TCF3: variants seen among roughly 807,000 people sequenced by gnomAD.
TCF3 encodes transcription factor E2-alpha.
TCF3 carries 54 observed loss-of-function variants against 72.3 expected under a neutral mutation model. The ratio of observed to expected loss-of-function variants is 0.75; its 90% confidence interval spans 0.60 to 0.94. The LOEUF (loss-of-function observed/expected upper bound fraction) is 0.94. Among genes scored for constraint, TCF3 ranks in the 40% least tolerant of loss-of-function variants. The probability of loss-of-function intolerance (pLI) is 0.00; values close to 1 mark genes in which losing one functional copy is unlikely to be tolerated. For synonymous variants in TCF3, 525 were observed against 412.6 expected (o/e 1.27, Z -3.30); for missense variants, 1,078 against 934.4 (o/e 1.15, Z -2.00).
intron 11 of TCF3, 71 bp from the exon 12 acceptor site, chr19:1,621,262 G>T: frequency 6.7e-7 from 1 of 1,490,206 alleles, no homozygotes; most frequent in Non-Finnish European, 9.0e-7. Context: ...GCTCTCCTGC[G>T]TTCTGCCGTC....
At chr19:1,625,836 C>T in intron 6 of TCF3, 128 bp from the exon 7 acceptor site, 1 of 1,198,410 alleles carries the variant, frequency 8.3e-7, no homozygotes, top group South Asian at 2.0e-5. Context: ...CCCCTTCTGC[C>T]TGTCACGGTG....
At chr19:1,643,729 G>A (rs1347283456) in intron 3 of TCF3, among the ~76,000 whole-genome samples, 2 of 152,232 alleles carry the variant, frequency 1.3e-5, no homozygotes, top group African/African-American at 2.4e-5. Context: ...AAATATCGAA[G>A]AACAGGCAGA....
intron 2 of TCF3, among the ~76,000 whole-genome samples, chr19:1,648,577 A>C (rs2066491137): frequency 6.6e-6 from 1 of 152,190 alleles, no homozygotes; most frequent in South Asian, 2.1e-4. Context: ...ACCTCGGGTT[A>C]CTCAGCCAGG....
Position 1,621,890 on chromosome 19 carries a change from G to C in TCF3, c.903C>G (p.Tyr301Ter), listed in dbSNP as rs754176050. 1 of 1,596,570 alleles carries C rather than the reference G, an allele frequency of 6.3e-7. No homozygotes were observed. Among genetic ancestry groups the C allele is most frequent in the East Asian group, 2.3e-5 (1 of 44,162 alleles). Residue 301 changes from tyrosine to a stop codon, truncating the protein, a stop_gained, in exon 11 of 19, where the codon TAC becomes TAG. Transcript: ENST00000262965. LOFTEE classifies it high-confidence loss of function. ...GCGGCGTGTGGCTGGAGACGCCGCC[G>C]TACGTGGCTCCGGGGGCTGAGGAGA... ...SSFSSAPGAT[Y>*]GGVSSHTPPV...
chr19:1,644,937 G>T (rs2065861333), intron 3 of TCF3, among the ~76,000 whole-genome samples: 1 of 152,156 alleles, frequency 6.6e-6, no homozygotes, highest in Non-Finnish European at 1.5e-5. Context: ...ACACAGGGAA[G>T]CATTAGCATG....
At chr19:1,613,578 C>T (rs914307053) in intron 18 of TCF3, among the ~76,000 whole-genome samples, 2 of 152,170 alleles carry the variant, frequency 1.3e-5, no homozygotes, top group Non-Finnish European at 2.9e-5. Context: ...CCTGGCCAGA[C>T]TCACTGTGGA....
At chr19:1,635,936 A>G (rs1599884347) in intron 3 of TCF3, among the ~76,000 whole-genome samples, 1 of 151,576 alleles carries the variant, frequency 6.6e-6, no homozygotes, top group Non-Finnish European at 1.5e-5. Context: ...GGTCACTATG[A>G]CCCCCCAAGC....
Position 1,615,874 on chromosome 19 carries a change from A to AT in TCF3, c.1451-54dup. 6.7e-7 allele frequency: 1 copy of AT among 1,495,308 alleles called. No homozygotes were observed. Among genetic ancestry groups the AT allele is most frequent in the Non-Finnish European group, 8.9e-7 (1 of 1,124,300 alleles). 92.6% of individuals were successfully genotyped at this position (1,495,308 alleles called of 1,614,324 possible). A position where few individuals can be genotyped will look rare whatever the true frequency, so the allele number is the denominator to read the frequency against. On this transcript the variant is annotated intron_variant, in intron 16 of 18. Transcript: ENST00000262965. This position sits in a 1 kb window ranked among gnomAD's most constrained non-coding sequence, Gnocchi z 7.3. ...GCGTCGGCCTCCAGGGCCAACTGAC[A>AT]TATCTCTTTGTGCTCCTGTGGTGAG...
chr19:1,642,222 G>A (rs7256447), intron 3 of TCF3, among the ~76,000 whole-genome samples: 7,433 of 149,046 alleles, frequency 0.05, 555 homozygotes, highest in East Asian at 0.4. Flanking sequence ...ACGCGCAGAC[G>A]CACAGACACG....
At chr19:1,622,031 C>CT (rs769232900) in intron 10 of TCF3, 23 bp downstream of exon 10, 2 of 1,595,640 alleles carry the variant, frequency 1.3e-6, no homozygotes, top group Non-Finnish European at 1.7e-6. Flanking sequence ...CGCCCACCCC[C>CT]TGCCCCCTGC....
rs1192240781 is a variant in TCF3, at chr19:1,622,308, T to C, written c.652+5A>G. The C allele has an allele frequency of 7.2e-6, 11 of 1,525,760 alleles. No homozygotes were observed. The highest frequency in any genetic ancestry group is 1.4e-5 in the African/African-American group (1 of 73,108). 94.5% of individuals were successfully genotyped at this position (1,525,760 alleles called of 1,614,324 possible). A position where few individuals can be genotyped will look rare whatever the true frequency, so the allele number is the denominator to read the frequency against. The stretch of plus-strand genomic sequence containing the variant: ...TCCCTGGCGAGCCCCCGCCCTGCCA[T>C]GTACCTGCCACGTAGAAGGGGGCGG... On this transcript the variant is annotated splice_donor_5th_base_variant and intron_variant, in intron 9 of 18. Coordinates refer to ENST00000262965, the MANE Select transcript of TCF3 (RefSeq NM_003200.5).
At chr19:1,641,495 G>A (rs570095861) in intron 3 of TCF3, among the ~76,000 whole-genome samples, 1 of 152,028 alleles carries the variant, frequency 6.6e-6, no homozygotes, top group Non-Finnish European at 1.5e-5. Flanking sequence ...CTCTGTCCCC[G>A]AGGCCAGAGT....
intron 3 of TCF3, among the ~76,000 whole-genome samples, chr19:1,645,781 G>A (rs1600121856): frequency 6.6e-6 from 1 of 152,308 alleles, no homozygotes; most frequent in Middle Eastern, 3.4e-3. Context: ...GCTCATCCAG[G>A]TCAGCCTGGG....
intron 5 of TCF3, among the ~76,000 whole-genome samples, chr19:1,631,107 G>C (rs1326969661): frequency 6.6e-6 from 1 of 152,208 alleles, no homozygotes; most frequent in Admixed American, 6.5e-5. Context: ...CCCCCACCTG[G>C]CATTGGGCAG....
intron 2 of TCF3, 125 bp from the exon 3 acceptor site, chr19:1,646,552 A>G: frequency 2.4e-6 from 2 of 816,854 alleles, no homozygotes; most frequent in Non-Finnish European, 3.9e-6. Context: ...CGCTCCATCT[A>G]GGCCCGGCCC....
chr19:1,637,291 G>A (rs550241198), intron 3 of TCF3, among the ~76,000 whole-genome samples: 30 of 148,854 alleles, frequency 2.0e-4, no homozygotes, highest in African/African-American at 6.2e-4. Context: ...CCAGAACCGG[G>A]GATGCCTGGC....
chr19:1,614,478 C>T lies in TCF3; in HGVS notation c.1822+807G>A, dbSNP rs2061349699. ...CGGACGGGCGGGATGGAGGGGAGGG[C>T]GGAAGGCAGACAGCAGAGAGGCGGG... On this transcript the variant is annotated intron_variant, in intron 18 of 18. Coordinates refer to ENST00000262965, the MANE Select transcript of TCF3 (RefSeq NM_003200.5). The surrounding 1 kb of genome is among the most constrained non-coding windows in gnomAD (Gnocchi z 5.6). Among the ~76,000 whole-genome samples, 1 of 151,994 alleles carries T rather than the reference C, an allele frequency of 6.6e-6. No individual in the cohort carries two copies. The highest frequency in any genetic ancestry group is 1.5e-5 in the Non-Finnish European group (1 of 67,996).
At position 1,619,413 on chromosome 19, in the gene TCF3, C is replaced by T; in HGVS notation, c.1229G>A (p.Gly410Asp). Residue 410 changes from glycine (G) to aspartate (D), a missense_variant, in exon 15 of 19, where the codon GGC becomes GAC. Coordinates refer to ENST00000262965, the MANE Select transcript of TCF3 (RefSeq NM_003200.5). ...CAGCGTGTGCATGTCGCCGGCTGTG[C>T]CCACGGCGTGGCTGCGGAGCACGTG... ...AIHVLRSHAV[G>D]TAGDMHTLLP... 1.3e-6 allele frequency: 2 copies of T among 1,592,514 alleles called. No homozygotes were observed. Among genetic ancestry groups the T allele is most frequent in the Non-Finnish European group, 8.5e-7 (1 of 1,176,156 alleles).
At position 1,620,764 on chromosome 19, in the gene TCF3, T is replaced by G. The variant is rs1265246305; in HGVS notation, c.1093+204A>C. Among the ~76,000 whole-genome samples the G allele has an allele frequency of 2.0e-5, 3 of 152,138 alleles. No homozygotes were observed. The East Asian group carries it at 5.8e-4, about 29-fold the overall frequency. The stretch of plus-strand genomic sequence containing the variant: ...AGTGGAACACAAGCCCATGGGGGAC[T>G]CCCTTCCACCGTCGGTTCCTGACCA... On this transcript the variant is annotated intron_variant, in intron 13 of 18. Coordinates refer to ENST00000262965, the MANE Select transcript of TCF3 (RefSeq NM_003200.5).
Sources: allele counts gnomAD v4.1 joint callset (sites outside exome capture counted in the v4.1 genomes callset), GRCh38; gene constraint gnomAD v4.1.1; non-coding constraint Gnocchi (gnomAD v3.1); transcripts MANE v1.5; gene names NCBI Gene and HGNC (gene_info 2026-07-23, HGNC 2026-07-21).